Variants in RAMP2 observed in about 807,000 individuals in gnomAD.
RAMP2 encodes the protein receptor activity modifying protein 2.
A neutral mutation model predicts 18.2 loss-of-function variants in RAMP2; 11 were observed. The observed-to-expected ratio is 0.60, with a 90% CI of 0.38 to 1.00. RAMP2 has a LOEUF of 1.00. RAMP2 is among the 50% of genes least tolerant of loss of function. The pLI, the probability that RAMP2 is intolerant of heterozygous loss-of-function variation, is 0.01. For missense variants in RAMP2, 191 were observed against 226.5 expected, an observed-to-expected ratio of 0.84 and a Z score of 1.01; for synonymous variants, 86 against 90.8, an observed-to-expected ratio of 0.95 and a Z score of 0.30.
rs767024257 is a variant in RAMP2 at position 42,762,302 on chromosome 17, G to A, written c.164-53G>A. On this transcript the variant is annotated intron_variant, in intron 2 of 3. Transcript: ENST00000253796. ...CACCTTGCAAGCACCTGGGCAGGAG[G>A]GTTTGTAGGGAGGGGTAGGGGTGTG... 6 of 1,612,606 alleles carry A rather than the reference G, an allele frequency of 3.7e-6. No individual in the cohort carries two copies. The South Asian group carries it at 5.5e-5, about 15-fold the overall frequency.
Position 42,761,487 on chromosome 17 carries a change from T to A in RAMP2, c.97+129T>A. The stretch of plus-strand genomic sequence containing the variant: ...GGGTGCGGGTTAGGACCGACGTACC[T>A]AGCAGCACTGGCCCTCGGACGGTCC... On this transcript the variant is annotated intron_variant, in intron 1 of 3. Transcript: ENST00000253796. The surrounding 1 kb of genome is among the most constrained non-coding windows in gnomAD (Gnocchi z 4.2). 1.3e-6 allele frequency: 1 copy of A among 778,352 alleles called. No homozygotes were observed. Among genetic ancestry groups the A allele is most frequent in the Non-Finnish European group, 1.9e-6 (1 of 529,664 alleles). The allele number at this position is 778,352 out of a possible 1,614,324, so 48.2% of individuals were successfully genotyped here. A position where few individuals can be genotyped will look rare whatever the true frequency, so the allele number is the denominator to read the frequency against.
chr17:42,761,779 G>T lies in RAMP2; in HGVS notation c.98-55G>T. On this transcript the variant is annotated intron_variant, in intron 1 of 3. Transcript: ENST00000253796. This position sits in a 1 kb window ranked among gnomAD's most constrained non-coding sequence, Gnocchi z 4.2. ...CTCAGTCCCCCAACCCCCCTCGCAG[G>T]CTCCACTGCCGGGGTCCCCGCTATG... is the stretch of plus-strand genomic sequence containing the variant. The T allele has an allele frequency of 6.8e-7, 1 of 1,460,156 alleles. No individual in the cohort carries two copies. Among genetic ancestry groups the T allele is most frequent in the Non-Finnish European group, 9.6e-7 (1 of 1,041,724 alleles). The allele number at this position is 1,460,156 out of a possible 1,614,324, so 90.4% of individuals were successfully genotyped here. A position where few individuals can be genotyped will look rare whatever the true frequency, so the allele number is the denominator to read the frequency against.
Position 42,762,792 on chromosome 17 carries a change from C to T in RAMP2, c.468C>T (p.Leu156=), listed in dbSNP as rs745468412. 3.7e-6 allele frequency: 6 copies of T among 1,613,930 alleles called. No individual in the cohort carries two copies. Among genetic ancestry groups the T allele is most frequent in the Admixed American group, 3.3e-5 (2 of 60,000 alleles). Reference sequence around the variant, plus strand: ...CCATGATCATAGCCCCCATCTGCCTCATCCCCTTCCTCATCACTCTTGTAG... The same window carrying T: ...CCATGATCATAGCCCCCATCTGCCTTATCCCCTTCCTCATCACTCTTGTAG... The part of the protein sequence containing the change: ...LLAMIIAPIC[L]IPFLITLVVW... The change falls in exon 4 of 4, where the codon CTC becomes CTT. Residue 156 remains leucine (L), a synonymous_variant. Transcript: ENST00000253796.
chr17:42,762,477 T>C lies in RAMP2; in HGVS notation c.272+14T>C, dbSNP rs1181620917. The C allele has an allele frequency of 1.9e-6, 3 of 1,613,816 alleles. No homozygotes were observed. Among genetic ancestry groups the C allele is most frequent in the Middle Eastern group, 1.7e-4 (1 of 6,040 alleles). On this transcript the variant is annotated intron_variant, in intron 3 of 3. Coordinates refer to ENST00000253796, the MANE Select transcript of RAMP2 (RefSeq NM_005854.3). ...CATGATTAGCAGGTAGGGGCAGTGATGGAGGGTGGCTCAGGCCAGGGGGTG... is the reference window on the plus strand; with the variant it reads ...CATGATTAGCAGGTAGGGGCAGTGACGGAGGGTGGCTCAGGCCAGGGGGTG...
In RAMP2 at chr17:42,761,482, G is replaced by A; in HGVS notation, c.97+124G>A. ...CCCTGGGGTGCGGGTTAGGACCGAC[G>A]TACCTAGCAGCACTGGCCCTCGGAC... On this transcript the variant is annotated intron_variant, in intron 1 of 3. Transcript: ENST00000253796. This position sits in a 1 kb window ranked among gnomAD's most constrained non-coding sequence, Gnocchi z 4.2. 2.5e-6 allele frequency: 2 copies of A among 812,240 alleles called. No individual in the cohort carries two copies. The highest frequency in any genetic ancestry group is 3.9e-4 in the Middle Eastern group (1 of 2,544). The allele number at this position is 812,240 out of a possible 1,614,324, so 50.3% of individuals were successfully genotyped here.
Position 42,761,714 on chromosome 17 carries a change from A to T in RAMP2, c.98-120A>T. On this transcript the variant is annotated intron_variant, in intron 1 of 3. Coordinates refer to ENST00000253796, the MANE Select transcript of RAMP2 (RefSeq NM_005854.3). This position sits in a 1 kb window ranked among gnomAD's most constrained non-coding sequence, Gnocchi z 4.2. ...CTGAGGCGTCCGTGGGGGCTAGATT[A>T]TTCCTCCTTTTCTTCCAAGGTAGCC... The T allele has an allele frequency of 1.2e-6, 1 of 854,322 alleles. No homozygotes were observed. The highest frequency in any genetic ancestry group is 1.9e-6 in the Non-Finnish European group (1 of 528,122). The allele number at this position is 854,322 out of a possible 1,614,324, so 52.9% of individuals were successfully genotyped here. A position where few individuals can be genotyped will look rare whatever the true frequency, so the allele number is the denominator to read the frequency against.
rs1308103078 is a variant in RAMP2, at chr17:42,762,840, G to C, written c.516G>C (p.Glu172Asp). Reference protein sequence around the residue: ...TLVVWRSKDSEAQA With the variant: ...TLVVWRSKDSDAQA The stretch of plus-strand genomic sequence containing the variant: ...TAGTATGGAGGAGTAAAGACAGTGA[G>C]GCCCAGGCCTAGGGGGCCACGAGCT... Residue 172 changes from glutamate to aspartate, a missense_variant, in exon 4 of 4, where the codon GAG becomes GAC. Transcript: ENST00000253796. 6.3e-6 allele frequency: 10 copies of C among 1,599,268 alleles called. No individual in the cohort carries two copies. The highest frequency in any genetic ancestry group is 8.5e-6 in the Non-Finnish European group (10 of 1,169,646).
Position 42,762,915 on chromosome 17 carries a change from C to T in RAMP2, c.*63C>T. 6.8e-7 allele frequency: 1 copy of T among 1,475,432 alleles called. No homozygotes were observed. Among genetic ancestry groups the T allele is most frequent in the Non-Finnish European group, 9.2e-7 (1 of 1,088,410 alleles). 91.4% of individuals were successfully genotyped at this position (1,475,432 alleles called of 1,614,324 possible). ...TCCCCACCCCCACCAGGCCTCCCTCCTCCCCTCCTACTCCCTTTTCTCACT... is the reference window on the plus strand; with the variant it reads ...TCCCCACCCCCACCAGGCCTCCCTCTTCCCCTCCTACTCCCTTTTCTCACT... On this transcript the variant is annotated 3_prime_UTR_variant, in exon 4 of 4. Coordinates refer to ENST00000253796, the MANE Select transcript of RAMP2 (RefSeq NM_005854.3).
Position 42,762,691 on chromosome 17 carries a change from A to T in RAMP2, c.367A>T (p.Thr123Ser). ...CTTGGCAGAGAGGATCATCTTTGAGACTCACCAGATCCACTTTGCCAACTG... is the reference window on the plus strand; with the variant it reads ...CTTGGCAGAGAGGATCATCTTTGAGTCTCACCAGATCCACTTTGCCAACTG... ...NPLAERIIFETHQIHFANCSL... is the reference protein window; with the variant it reads ...NPLAERIIFESHQIHFANCSL... The change falls in exon 4 of 4, where the codon ACT becomes TCT. Residue 123 changes from threonine to serine, a missense_variant. Transcript: ENST00000253796. The T allele has an allele frequency of 6.2e-7, 1 of 1,613,882 alleles. No homozygotes were observed. The highest frequency in any genetic ancestry group is 8.5e-7 in the Non-Finnish European group (1 of 1,179,926).
rs2054363291 is a variant in RAMP2 at position 42,761,376 on chromosome 17, A to G, written c.97+18A>G. On this transcript the variant is annotated intron_variant, in intron 1 of 3. Transcript: ENST00000253796. The surrounding 1 kb of genome is among the most constrained non-coding windows in gnomAD (Gnocchi z 4.2). Reference sequence around the variant, plus strand: ...GCTGGGCGGTGAGCGCGGCGCCCCGAGGCCCGGGCGGGAGGCGCGAGAGGC... The same window carrying G: ...GCTGGGCGGTGAGCGCGGCGCCCCGGGGCCCGGGCGGGAGGCGCGAGAGGC... 6.1e-6 allele frequency: 8 copies of G among 1,311,984 alleles called. No individual in the cohort carries two copies. The highest frequency in any genetic ancestry group is 1.6e-5 in the African/African-American group (1 of 64,254). 81.3% of individuals were successfully genotyped at this position (1,311,984 alleles called of 1,614,324 possible). A position where few individuals can be genotyped will look rare whatever the true frequency, so the allele number is the denominator to read the frequency against.
In RAMP2 at chr17:42,761,824, C is replaced by G. The variant is rs771515613; in HGVS notation, c.98-10C>G. Reference sequence around the variant, plus strand: ...GCTATGTTACCCTCCTCTCCCGTTTCTTCCCACAGCTGTCCTGAATCCCCA... The same window carrying G: ...GCTATGTTACCCTCCTCTCCCGTTTGTTCCCACAGCTGTCCTGAATCCCCA... On this transcript the variant is annotated splice_polypyrimidine_tract_variant and intron_variant, in intron 1 of 3. Transcript: ENST00000253796. This position sits in a 1 kb window ranked among gnomAD's most constrained non-coding sequence, Gnocchi z 4.2. The G allele has an allele frequency of 1.3e-6, 2 of 1,571,026 alleles. No homozygotes were observed. The highest frequency in any genetic ancestry group is 2.7e-5 in the African/African-American group (2 of 73,904).
Position 42,762,778 on chromosome 17 carries a change from G to A in RAMP2, c.454G>A (p.Ala152Thr), listed in dbSNP as rs867318232. ...GGATGTACTCCTGGCCATGATCATA[G>A]CCCCCATCTGCCTCATCCCCTTCCT... is the stretch of plus-strand genomic sequence containing the variant. Reference protein sequence around the residue: ...PEDVLLAMIIAPICLIPFLIT... With the variant: ...PEDVLLAMIITPICLIPFLIT... Residue 152 changes from alanine to threonine, a missense_variant, in exon 4 of 4, where the codon GCC (alanine) becomes ACC (threonine). By Grantham distance (58) the Ala-to-Thr change is moderately conservative. Transcript: ENST00000253796. The A allele has an allele frequency of 6.2e-7, 1 of 1,613,922 alleles. No homozygotes were observed. The highest frequency in any genetic ancestry group is 2.2e-5 in the East Asian group (1 of 44,872).
rs776786333 is a variant in RAMP2 at position 42,761,928 on chromosome 17, C to T, written c.163+29C>T. On this transcript the variant is annotated intron_variant, in intron 2 of 3. Coordinates refer to ENST00000253796, the MANE Select transcript of RAMP2 (RefSeq NM_005854.3). This position sits in a 1 kb window ranked among gnomAD's most constrained non-coding sequence, Gnocchi z 4.2. ...GGTACCCAGGGTGTGGAAGGGTGGC[C>T]GAGGGTAAGGACGAGAGCAAGTTCA... is the stretch of plus-strand genomic sequence containing the variant. 6.5e-6 allele frequency: 10 copies of T among 1,529,646 alleles called. No homozygotes were observed. The African/African-American group carries it at 6.9e-5, about 11-fold the overall frequency. 94.8% of individuals were successfully genotyped at this position (1,529,646 alleles called of 1,614,324 possible). A position where few individuals can be genotyped will look rare whatever the true frequency, so the allele number is the denominator to read the frequency against.
chr17:42,761,808 C>T lies in RAMP2; in HGVS notation c.98-26C>T. The T allele has an allele frequency of 1.3e-6, 2 of 1,549,126 alleles. No individual in the cohort carries two copies. The highest frequency in any genetic ancestry group is 1.7e-4 in the Middle Eastern group (1 of 5,946). On this transcript the variant is annotated intron_variant, in intron 1 of 3. Transcript: ENST00000253796. This position sits in a 1 kb window ranked among gnomAD's most constrained non-coding sequence, Gnocchi z 4.2. Reference sequence around the variant, plus strand: ...CACTGCCGGGGTCCCCGCTATGTTACCCTCCTCTCCCGTTTCTTCCCACAG... The same window carrying T: ...CACTGCCGGGGTCCCCGCTATGTTATCCTCCTCTCCCGTTTCTTCCCACAG...
chr17:42,762,544 C>T, intron 3 of RAMP2, 53 bp from the exon 4 acceptor site: 11 of 1,603,834 alleles, frequency 6.9e-6, no homozygotes, highest in Non-Finnish European at 9.4e-6. Flanking sequence ...GAGTGGGGCA[C>T]TCTTCTCCCT....
At position 42,761,321 on chromosome 17, in the gene RAMP2, G is replaced by A. The variant is rs956449972; in HGVS notation, c.60G>A (p.Gly20=). ...GGPRLPRTRV[G]RPAALRLLLL... ...CGCGTCTCCCTAGGACCCGAGTCGG[G>A]CGGCCGGCAGCGCTCCGCCTCCTCC... is the stretch of plus-strand genomic sequence containing the variant. Residue 20 remains glycine (G), a synonymous_variant, in exon 1 of 4, where the codon GGG becomes GGA. Transcript: ENST00000253796. The surrounding 1 kb of genome is among the most constrained non-coding windows in gnomAD (Gnocchi z 4.2). The A allele has an allele frequency of 7.8e-7, 1 of 1,286,858 alleles. No homozygotes were observed. The highest frequency in any genetic ancestry group is 9.9e-7 in the Non-Finnish European group (1 of 1,014,746). 79.7% of individuals were successfully genotyped at this position (1,286,858 alleles called of 1,614,324 possible).
In RAMP2 at chr17:42,762,863, G is replaced by A; in HGVS notation, c.*11G>A. 1 of 1,571,402 alleles carries A rather than the reference G, an allele frequency of 6.4e-7. No homozygotes were observed. Among genetic ancestry groups the A allele is most frequent in the Middle Eastern group, 1.7e-4 (1 of 5,850 alleles). ...GAGGCCCAGGCCTAGGGGGCCACGAGCTTCTCAACAACCATGTTACTCCAC... is the reference window on the plus strand; with the variant it reads ...GAGGCCCAGGCCTAGGGGGCCACGAACTTCTCAACAACCATGTTACTCCAC... On this transcript the variant is annotated 3_prime_UTR_variant, in exon 4 of 4. Transcript: ENST00000253796.
In RAMP2 at chr17:42,762,963, G is replaced by T; in HGVS notation, c.*111G>T. The T allele has an allele frequency of 7.9e-7, 1 of 1,271,642 alleles. No homozygotes were observed. Among genetic ancestry groups the T allele is most frequent in the Non-Finnish European group, 1.1e-6 (1 of 939,978 alleles). 78.8% of individuals were successfully genotyped at this position (1,271,642 alleles called of 1,614,324 possible). ...ACTCTCATCCCCACCACAGATCCCT[G>T]GATTGCTGGGAATGGAAGCCAGGTG... is the stretch of plus-strand genomic sequence containing the variant. On this transcript the variant is annotated 3_prime_UTR_variant, in exon 4 of 4. Transcript: ENST00000253796.
At position 42,761,802 on chromosome 17, in the gene RAMP2, A is replaced by G. The variant is rs779761205; in HGVS notation, c.98-32A>G. 5.9e-6 allele frequency: 9 copies of G among 1,536,374 alleles called. No homozygotes were observed. Among genetic ancestry groups the G allele is most frequent in the Non-Finnish European group, 9.0e-7 (1 of 1,109,692 alleles). ...AGGCTCCACTGCCGGGGTCCCCGCTATGTTACCCTCCTCTCCCGTTTCTTC... is the reference window on the plus strand; with the variant it reads ...AGGCTCCACTGCCGGGGTCCCCGCTGTGTTACCCTCCTCTCCCGTTTCTTC... On this transcript the variant is annotated intron_variant, in intron 1 of 3. Coordinates refer to ENST00000253796, the MANE Select transcript of RAMP2 (RefSeq NM_005854.3). This position sits in a 1 kb window ranked among gnomAD's most constrained non-coding sequence, Gnocchi z 4.2.
Sources: gnomAD v4.1 joint callset for allele counts on GRCh38, gnomAD v4.1.1 for gene constraint, Gnocchi (gnomAD v3.1) non-coding constraint, MANE v1.5 for transcripts, NCBI Gene and HGNC (gene_info 2026-07-23, HGNC 2026-07-21) for gene names.